Variants in CD38 observed in about 807,000 individuals in gnomAD.
The protein encoded by CD38 is ADP-ribosyl cyclase/cyclic ADP-ribose hydrolase 1.
A neutral mutation model predicts 36.3 loss-of-function variants in CD38; 31 were observed. That is an observed-to-expected ratio of 0.85 (90% CI 0.64 to 1.15). CD38 has a LOEUF of 1.15. Among genes scored for constraint, CD38 ranks in the 50% most tolerant of loss-of-function variants. The pLI is 0.00. For missense variants in CD38, 380 were observed against 371.9 expected (o/e 1.02, Z -0.18); for synonymous variants, 131 against 135.2 (o/e 0.97, Z 0.22).
chr4:15,827,794 A>G (rs929195409), intron 3 of CD38, among the ~76,000 whole-genome samples: 3 of 152,088 alleles, frequency 2.0e-5, no homozygotes, highest in Admixed American at 6.6e-5. Flanking sequence ...TGAATTATGT[A>G]TATGTAGTTT....
chr4:15,819,947 A>C (rs1723696422), intron 2 of CD38, among the ~76,000 whole-genome samples: 1 of 152,200 alleles, frequency 6.6e-6, no homozygotes, highest in Admixed American at 6.5e-5. Context: ...TAATCATCAG[A>C]TTCTCCAGGT....
chr4:15,832,654 G>A (rs768542328), intron 3 of CD38, among the ~76,000 whole-genome samples: 28 of 152,182 alleles, frequency 1.8e-4, no homozygotes, highest in African/African-American at 2.4e-4. Flanking sequence ...ACACTCCACC[G>A]CAACTAGGAC....
At chr4:15,825,064 C>G in intron 3 of CD38, 48 bp downstream of exon 3, 1 of 1,554,782 alleles carries the variant, frequency 6.4e-7, no homozygotes, top group Non-Finnish European at 8.7e-7. Flanking sequence ...GGAGGGTGAA[C>G]AGAGTGACTT....
At chr4:15,795,913 T>C (rs1723096175) in intron 1 of CD38, among the ~76,000 whole-genome samples, 1 of 152,174 alleles carries the variant, frequency 6.6e-6, no homozygotes, top group Non-Finnish European at 1.5e-5. Context: ...TTTGCCTTGA[T>C]ATTGTCCAAA....
intron 1 of CD38, among the ~76,000 whole-genome samples, chr4:15,801,097 A>T (rs945306970): frequency 2.0e-5 from 3 of 152,020 alleles, no homozygotes; most frequent in African/African-American, 7.2e-5. Context: ...GAAAAAGGAG[A>T]TGTTACAATT....
intron 4 of CD38, among the ~76,000 whole-genome samples, chr4:15,835,995 AG>A (rs1331366615): frequency 6.6e-6 from 1 of 152,218 alleles, no homozygotes; most frequent in African/African-American, 2.4e-5. Flanking sequence ...GAAGGAAGAA[AG>A]AAATGAAAGA....
rs796481091 is a variant in CD38 at position 15,851,700 on chromosome 4, A to G, written c.*3098A>G. The G allele has an allele frequency of 2.4e-4, 37 of 152,364 alleles. 1 individual carries two copies. The highest frequency in any genetic ancestry group is 8.2e-4 in the African/African-American group (34 of 41,580). 9.4% of individuals were successfully genotyped at this position (152,364 alleles called of 1,614,324 possible). On this transcript the variant is annotated 3_prime_UTR_variant, in exon 8 of 8. Transcript: ENST00000226279. ...CTGTATACAGTCATATGATACATACACAAACACACGCACACAAGCCTGCAT... is the reference window on the plus strand; with the variant it reads ...CTGTATACAGTCATATGATACATACGCAAACACACGCACACAAGCCTGCAT...
intron 1 of CD38, among the ~76,000 whole-genome samples, chr4:15,807,145 G>T (rs558901967): frequency 1.3e-5 from 2 of 152,156 alleles, no homozygotes; most frequent in African/African-American, 4.8e-5. Flanking sequence ...ATCCGATGAC[G>T]TTAGAAAGGA....
chr4:15,814,791 G>GT (rs1281758635), intron 1 of CD38, among the ~76,000 whole-genome samples: 1 of 103,386 alleles, frequency 9.7e-6, no homozygotes, highest in Non-Finnish European at 1.9e-5. Context: ...TTCTGTTTTT[G>GT]TTTTTTGTTT....
At chr4:15,819,568 C>T (rs1159410041) in intron 2 of CD38, among the ~76,000 whole-genome samples, 1 of 151,966 alleles carries the variant, frequency 6.6e-6, no homozygotes, top group Non-Finnish European at 1.5e-5. Context: ...CCTGATGGAG[C>T]TGAAAAACAC....
intron 1 of CD38, among the ~76,000 whole-genome samples, chr4:15,806,177 T>C (rs1188368152): frequency 2.0e-5 from 3 of 152,218 alleles, no homozygotes; most frequent in Admixed American, 1.3e-4. Context: ...TGTGTTTTCA[T>C]GTCTTCCTGC....
chr4:15,824,816 G>T, intron 2 of CD38, 65 bp from the exon 3 acceptor site: 2 of 1,289,700 alleles, frequency 1.6e-6, no homozygotes, highest in Admixed American at 2.0e-5. Flanking sequence ...TTACAAAACT[G>T]TGGATTAATT....
chr4:15,780,564 A>T (rs1286774455), intron 1 of CD38, among the ~76,000 whole-genome samples: 1 of 150,240 alleles, frequency 6.7e-6, no homozygotes, highest in African/African-American at 2.4e-5. Flanking sequence ...ACACACACAC[A>T]CACATACAGT....
At chr4:15,842,239 T>G (rs1319106124) in intron 7 of CD38, among the ~76,000 whole-genome samples, 1 of 126,050 alleles carries the variant, frequency 7.9e-6, no homozygotes, top group Non-Finnish European at 1.6e-5. Flanking sequence ...CCTCTTCAAG[T>G]GGGTCCCTGA....
chr4:15,813,632 T>C (rs2148921527), intron 1 of CD38, among the ~76,000 whole-genome samples: 1 of 152,256 alleles, frequency 6.6e-6, no homozygotes, highest in East Asian at 1.9e-4. Flanking sequence ...CGGTGTGTGT[T>C]GTTCCCCTCC....
chr4:15,818,781 G>C (rs1723666039), intron 2 of CD38, among the ~76,000 whole-genome samples: 1 of 152,124 alleles, frequency 6.6e-6, no homozygotes, highest in Non-Finnish European at 1.5e-5. Flanking sequence ...GGAAGAAAGG[G>C]CCTGACTGCT....
At chr4:15,843,379 C>A (rs1724245658) in intron 7 of CD38, among the ~76,000 whole-genome samples, 1 of 56,820 alleles carries the variant, frequency 1.8e-5, no homozygotes, top group African/African-American at 7.8e-5. Context: ...TTGTCACCAC[C>A]AGGCCTGCCC....
At chr4:15,786,986 C>T (rs991299850) in intron 1 of CD38, among the ~76,000 whole-genome samples, 1 of 152,248 alleles carries the variant, frequency 6.6e-6, no homozygotes, top group African/African-American at 2.4e-5. Flanking sequence ...GGGTGCTAAG[C>T]CCTTCACTGT....
At chr4:15,839,412 TTTC>T (rs1724150799) in intron 5 of CD38, among the ~76,000 whole-genome samples, 1 of 143,170 alleles carries the variant, frequency 7.0e-6, no homozygotes, top group Non-Finnish European at 1.5e-5. Flanking sequence ...AAATTCTACA[TTTC>T]TTTTTTTTTT....
Sources: gnomAD v4.1 joint callset for allele counts (sites outside exome capture counted in the v4.1 genomes callset) on GRCh38, gnomAD v4.1.1 for gene constraint, MANE v1.5 for transcripts, NCBI Gene and HGNC (gene_info 2026-07-23, HGNC 2026-07-21) for gene names.